The following IL2RB variants were observed in gnomAD, a reference collection of about 807,000 sequenced individuals.
IL2RB encodes the protein interleukin 2 receptor subunit beta, also known as interleukin-2 receptor subunit beta.
Under a neutral mutation model 44.2 loss-of-function variants are expected in IL2RB, and 17 were observed. That is an observed-to-expected ratio of 0.38 (90% CI 0.26 to 0.58). IL2RB has a LOEUF of 0.58. Among genes scored for constraint, IL2RB ranks in the 20% least tolerant of loss-of-function variants. The pLI, the probability that IL2RB is intolerant of heterozygous loss-of-function variation, is 0.63. For synonymous variants in IL2RB, 286 were observed against 297.9 expected, an observed-to-expected ratio of 0.96 and a Z score of 0.41; for missense variants, 624 against 685.5, an observed-to-expected ratio of 0.91 and a Z score of 1.00.
chr22:37,137,500 G>A, intron 6 of IL2RB, 87 bp downstream of exon 6: 1 of 1,423,986 alleles, frequency 7.0e-7, no homozygotes, highest in Non-Finnish European at 9.8e-7. Context: ...GGGCTGAGGG[G>A]ACCTCGACAC....
At chr22:37,153,451 G>A (rs1455851286), upstream of IL2RB, among the ~76,000 whole-genome samples, 1 of 150,990 alleles carries the variant, frequency 6.6e-6, no homozygotes, top group African/African-American at 2.5e-5. Context: ...TCAGTGTGCA[G>A]ACCTACCAAA....
At chr22:37,165,156 C>A (rs1376339108) in intron 1 of IL2RB, among the ~76,000 whole-genome samples, 2 of 152,236 alleles carry the variant, frequency 1.3e-5, no homozygotes, top group Admixed American at 6.5e-5. Context: ...TCGCCCAGGG[C>A]CGCACACAGG....
chr22:37,143,354 C>A (rs190032172), intron 3 of IL2RB, among the ~76,000 whole-genome samples, 167 bp downstream of exon 3: 25 of 152,274 alleles, frequency 1.6e-4, no homozygotes, highest in Non-Finnish European at 1.5e-5. Context: ...TTCTCTTAAA[C>A]GATCCCTTGA....
At chr22:37,145,407 T>C (rs1439125972) in intron 1 of IL2RB, among the ~76,000 whole-genome samples, 2 of 151,430 alleles carry the variant, frequency 1.3e-5, no homozygotes, top group South Asian at 2.1e-4. Context: ...CACTGGCCAC[T>C]GGCCAGTGCT....
At chr22:37,172,739 ACCCATTTCAAGCTAG>A (rs1277173240) in intron 1 of IL2RB, among the ~76,000 whole-genome samples, 1 of 152,092 alleles carries the variant, frequency 6.6e-6, no homozygotes, top group African/African-American at 2.4e-5. Context: ...TGCCACCATG[ACCCATTTCAAGCTAG>A]CATCGTGATG....
intron 4 of IL2RB, 28 bp downstream of exon 4, chr22:37,142,406 G>T (rs1240324630): frequency 2.5e-6 from 4 of 1,603,096 alleles, no homozygotes; most frequent in Non-Finnish European, 3.4e-6. Context: ...CCCTCTCCCT[G>T]CACTCTCTCC....
At chr22:37,145,367 C>T (rs1922173788) in intron 1 of IL2RB, among the ~76,000 whole-genome samples, 1 of 151,918 alleles carries the variant, frequency 6.6e-6, no homozygotes, top group Non-Finnish European at 1.5e-5. Context: ...CAGAGGGAGG[C>T]TCAAAAGTTT....
At chr22:37,166,148 C>A (rs372090949) in intron 1 of IL2RB, among the ~76,000 whole-genome samples, 96 of 152,326 alleles carry the variant, frequency 6.3e-4, no homozygotes, top group African/African-American at 2.3e-3. Context: ...TGGACAGGGC[C>A]CCTCCAGCCT....
chr22:37,162,661 C>T (rs1259974647), intron 1 of IL2RB, among the ~76,000 whole-genome samples: 1 of 152,150 alleles, frequency 6.6e-6, no homozygotes, highest in Non-Finnish European at 1.5e-5. Flanking sequence ...GTCACAAACC[C>T]ATTCTGGTTA....
intron 9 of IL2RB, among the ~76,000 whole-genome samples, chr22:37,131,549 G>A (rs559832627): frequency 8.5e-5 from 13 of 152,278 alleles, no homozygotes; most frequent in South Asian, 6.2e-4. Context: ...AAAATGAATC[G>A]GTGTTTTGTG....
chr22:37,136,473 C>CCT (rs1569043494), intron 6 of IL2RB, 80 bp from the exon 7 acceptor site: 1 of 1,440,086 alleles, frequency 6.9e-7, no homozygotes, highest in East Asian at 2.5e-5. Context: ...AGAACCCCCC[C>CCT]CCAACCCCTG....
intron 5 of IL2RB, 62 bp from the exon 6 acceptor site, chr22:37,137,797 C>T (rs1354192325): frequency 4.1e-6 from 6 of 1,455,256 alleles, no homozygotes; most frequent in Non-Finnish European, 5.8e-6. Flanking sequence ...CACTTTGTAC[C>T]TGCCACTCCT....
rs748788283 is a variant in IL2RB, at chr22:37,132,481, G to C, written c.819-13C>G. On this transcript the variant is annotated splice_polypyrimidine_tract_variant and intron_variant, in intron 8 of 9. Transcript: ENST00000216223. ...GACCTTCTTCAGCCTGGACAGAGGAGAGGAGGGAAGGAGGAGGGTGAGAAA... is the reference window on the plus strand; with the variant it reads ...GACCTTCTTCAGCCTGGACAGAGGACAGGAGGGAAGGAGGAGGGTGAGAAA... 3 of 1,607,234 alleles carry C rather than the reference G, an allele frequency of 1.9e-6. No individual in the cohort carries two copies. In the South Asian group the frequency reaches 3.3e-5, roughly 18 times the overall value.
At chr22:37,158,586 G>A (rs1922758274) in intron 1 of IL2RB, among the ~76,000 whole-genome samples, 1 of 152,124 alleles carries the variant, frequency 6.6e-6, no homozygotes, top group South Asian at 2.1e-4. Flanking sequence ...GGCTCTCTGG[G>A]TCCTGATATG....
At chr22:37,146,079 C>A (rs552018908) in intron 1 of IL2RB, among the ~76,000 whole-genome samples, 33 of 152,306 alleles carry the variant, frequency 2.2e-4, no homozygotes, top group Non-Finnish European at 3.5e-4. Flanking sequence ...AGTTCTGGGA[C>A]AACTGTACCC....
intron 1 of IL2RB, among the ~76,000 whole-genome samples, chr22:37,169,315 C>T (rs1355192808): frequency 4.4e-5 from 6 of 135,264 alleles, no homozygotes; most frequent in East Asian, 2.1e-4. Context: ...CTTGTTTACA[C>T]GTTTACAGAG....
chr22:37,130,973 C>G (rs995878508), intron 9 of IL2RB, among the ~76,000 whole-genome samples: 18 of 152,200 alleles, frequency 1.2e-4, no homozygotes, highest in African/African-American at 4.3e-4. Context: ...TCAAGACCAG[C>G]CTGGCCAACA....
chr22:37,132,246 G>C, intron 9 of IL2RB, 138 bp downstream of exon 9: 1 of 616,062 alleles, frequency 1.6e-6, no homozygotes, highest in South Asian at 1.9e-5. Context: ...CTGGAGAAGA[G>C]ACCCATGCAC....
At chr22:37,163,686 C>T (rs1479317112) in intron 1 of IL2RB, among the ~76,000 whole-genome samples, 3 of 152,196 alleles carry the variant, frequency 2.0e-5, no homozygotes, top group East Asian at 1.9e-4. Context: ...GCCCCCCATT[C>T]GGGGGAAAGC....
Sources: gnomAD v4.1 joint callset for allele counts (sites outside exome capture counted in the v4.1 genomes callset) on GRCh38, gnomAD v4.1.1 for gene constraint, MANE v1.5 for transcripts, NCBI Gene and HGNC (gene_info 2026-07-23, HGNC 2026-07-21) for gene names.